The following TANGO6 variants were observed in gnomAD, a reference collection of about 807,000 sequenced individuals.
The protein encoded by TANGO6 is transport and Golgi organization protein 6 homolog.
In TANGO6, 90 loss-of-function variants were observed where a neutral mutation model predicts 114.2. The ratio of observed to expected loss-of-function variants is 0.79; its 90% CI spans 0.66 to 0.94. The LOEUF (loss-of-function observed/expected upper bound fraction) is 0.94, where lower values mean the gene tolerates loss of function less well. Ranked by LOEUF, TANGO6 falls within the 40% of genes least tolerant of loss-of-function variation. TANGO6 has a pLI of 0.00. For missense variants in TANGO6, 1,274 were observed against 1,315.3 expected (o/e 0.97, Z 0.49); for synonymous variants, 477 against 509.8 (o/e 0.94, Z 0.87).
In TANGO6 at chr16:69,063,808, C is replaced by CTTCTTCTTCTTATTATTA. The variant is rs56983779; in HGVS notation, c.3109-19675_3109-19674insCTTCTTCTTATTATTATT. Reference sequence around the variant, plus strand: ...TCTTCTTCTTCTTCTTCTTCTTCTTCTTATTATTATTATTATTATTATTAT... The same window carrying CTTCTTCTTCTTATTATTA: ...TCTTCTTCTTCTTCTTCTTCTTCTTCTTCTTCTTCTTATTATTATTATTATTATTATTATTATTATTAT... On this transcript the variant is annotated intron_variant, in intron 17 of 17. Coordinates refer to ENST00000261778, the MANE Select transcript of TANGO6 (RefSeq NM_024562.2). 2.4e-3 allele frequency among the ~76,000 whole-genome samples: 303 copies of CTTCTTCTTCTTATTATTA among 125,558 alleles called. 3 individuals are homozygous for CTTCTTCTTCTTATTATTA. The highest frequency in any genetic ancestry group is 8.8e-3 in the African/African-American group (268 of 30,624). 82.4% of individuals were successfully genotyped at this position (125,558 alleles called of 152,430 possible). A position where few individuals can be genotyped will look rare whatever the true frequency, so the allele number is the denominator to read the frequency against.
At chr16:69,009,928 T>G (rs992740936) in intron 15 of TANGO6, among the ~76,000 whole-genome samples, 12 of 152,220 alleles carry the variant, frequency 7.9e-5, no homozygotes, top group Non-Finnish European at 1.5e-4. Context: ...ATTTCATGCA[T>G]GTACTAAGAG....
chr16:68,992,510 T>G (rs1963954315), intron 15 of TANGO6, among the ~76,000 whole-genome samples: 1 of 152,196 alleles, frequency 6.6e-6, no homozygotes, highest in Non-Finnish European at 1.5e-5. Flanking sequence ...GTTGCTATTT[T>G]TTTGTTGTTA....
chr16:68,918,564 C>T (rs527851342), intron 11 of TANGO6, among the ~76,000 whole-genome samples: 1 of 152,258 alleles, frequency 6.6e-6, no homozygotes, highest in East Asian at 1.9e-4. Context: ...AGGCAAAATT[C>T]ATGAAAAGTT....
In TANGO6 at chr16:68,966,914, C is replaced by T. The variant is rs143322689; in HGVS notation, c.2702-7114C>T. On this transcript the variant is annotated intron_variant, in intron 14 of 17. Coordinates refer to ENST00000261778, the MANE Select transcript of TANGO6 (RefSeq NM_024562.2). ...AGCCTCCCAAGTAGCTGGGAATACA[C>T]GTATGCACCACCATGCCCTGCTAAT... Among the ~76,000 whole-genome samples the T allele has an allele frequency of 1.6e-3, 242 of 151,882 alleles. 2 individuals carry two copies. The South Asian group carries it at 0.024, about 15-fold the overall frequency.
At chr16:69,067,535 A>AAAAAAAAAAAAAAAAAAG (rs1960233745) in intron 17 of TANGO6, among the ~76,000 whole-genome samples, 1 of 147,174 alleles carries the variant, frequency 6.8e-6, no homozygotes, top group Non-Finnish European at 1.5e-5. Context: ...AAAAAAAAAA[A>AAAAAAAAAAAAAAAAAAG]AACGCTGGGC....
In TANGO6 at chr16:69,070,592, CA is replaced by C. The variant is rs1960283670; in HGVS notation, c.3109-12892del. On this transcript the variant is annotated intron_variant, in intron 17 of 17. Coordinates refer to ENST00000261778, the MANE Select transcript of TANGO6 (RefSeq NM_024562.2). ...AGGTTGCAGTGAGCCAAGATCACACCACTACACTCCAGCCCGGGTGACAGAG... is the reference window on the plus strand; with the variant it reads ...AGGTTGCAGTGAGCCAAGATCACACCCTACACTCCAGCCCGGGTGACAGAG... Among the ~76,000 whole-genome samples the C allele has an allele frequency of 2.7e-5, 4 of 148,080 alleles. No individual in the cohort carries two copies. In the Admixed American group the frequency reaches 2.7e-4, roughly 10 times the overall value.
At chr16:68,929,820 C>G (rs1430848498) in intron 13 of TANGO6, among the ~76,000 whole-genome samples, 1 of 152,220 alleles carries the variant, frequency 6.6e-6, no homozygotes, top group African/African-American at 2.4e-5. Flanking sequence ...ACTTGCACTT[C>G]CATATGCTTT....
intron 6 of TANGO6, among the ~76,000 whole-genome samples, chr16:68,878,638 A>C (rs977825029): frequency 2.0e-5 from 3 of 152,230 alleles, no homozygotes; most frequent in Non-Finnish European, 2.9e-5. Context: ...AGTCTCCTAC[A>C]TAACCACAAG....
At position 68,878,256 on chromosome 16, in the gene TANGO6, C is replaced by T. The variant is rs774131085; in HGVS notation, c.1270C>T (p.Leu424Phe). 6.2e-7 allele frequency: 1 copy of T among 1,609,566 alleles called. No homozygotes were observed. Among genetic ancestry groups the T allele is most frequent in the Non-Finnish European group, 8.5e-7 (1 of 1,178,302 alleles). ...TTTGCTCCAGCCAGTGTTAGCTCCTCTTCATCGATGTTTGAATACAGCAGG... is the reference window on the plus strand; with the variant it reads ...TTTGCTCCAGCCAGTGTTAGCTCCTTTTCATCGATGTTTGAATACAGCAGG... Reference protein sequence around the residue: ...KYLLQPVLAPLHRCLNTAELS... With the variant: ...KYLLQPVLAPFHRCLNTAELS... The change falls in exon 6 of 18, where the codon CTT becomes TTT. Residue 424 changes from leucine to phenylalanine, a missense_variant. Physicochemically the swap from Leu to Phe is conservative, Grantham distance 22. Around this residue, in one of 5 missense-constraint regions of TANGO6, gnomAD observed 908 missense variants for 910.2 expected, o/e 1.00. Transcript: ENST00000261778.
intron 17 of TANGO6, among the ~76,000 whole-genome samples, chr16:69,067,776 A>G (rs1296273497): frequency 6.6e-6 from 1 of 151,898 alleles, no homozygotes; most frequent in East Asian, 1.9e-4. Flanking sequence ...TGTCTCTACT[A>G]AAAATACAAA....
Position 68,927,913 on chromosome 16 carries a change from A to G in TANGO6, c.2473A>G (p.Thr825Ala). ...IIPQGVNEPS[T>A]TTSQKSGSVT... ...TCCTCAAGGAGTCAATGAGCCCAGC[A>G]CTACTACAAGTCAGAAATCTGGAAG... The change falls in exon 13 of 18, where the codon ACT becomes GCT. Residue 825 changes from threonine to alanine, a missense_variant. Coordinates refer to ENST00000261778, the MANE Select transcript of TANGO6 (RefSeq NM_024562.2). 2 of 1,613,932 alleles carry G rather than the reference A, an allele frequency of 1.2e-6. No homozygotes were observed. The highest frequency in any genetic ancestry group is 1.7e-6 in the Non-Finnish European group (2 of 1,179,852).
At chr16:68,915,551 A>C (rs1962992031) in intron 11 of TANGO6, among the ~76,000 whole-genome samples, 2 of 152,216 alleles carry the variant, frequency 1.3e-5, no homozygotes, top group African/African-American at 4.8e-5. Flanking sequence ...GGCGTTAGCC[A>C]CTGTGCCCAG....
At chr16:68,877,959 C>G (rs1033891944) in intron 5 of TANGO6, 159 bp from the exon 6 acceptor site, 1 of 634,530 alleles carries the variant, frequency 1.6e-6, no homozygotes, top group Non-Finnish European at 2.4e-6. Context: ...GCTCTCTTAC[C>G]CTTTGATACT....
intron 13 of TANGO6, among the ~76,000 whole-genome samples, chr16:68,929,441 CAA>C (rs910472687): frequency 4.2e-4 from 64 of 152,242 alleles, no homozygotes; most frequent in African/African-American, 1.5e-3. Flanking sequence ...TCCCTACCTT[CAA>C]AACTGGCCGT....
intron 16 of TANGO6, among the ~76,000 whole-genome samples, chr16:69,023,457 A>G (rs1210403125): frequency 6.6e-6 from 1 of 152,162 alleles, no homozygotes; most frequent in Non-Finnish European, 1.5e-5. Context: ...TTCTGTCTCA[A>G]AAAAAACAAA....
At chr16:69,022,620 C>T (rs952106341) in intron 15 of TANGO6, among the ~76,000 whole-genome samples, 3 of 152,002 alleles carry the variant, frequency 2.0e-5, no homozygotes, top group African/African-American at 7.3e-5. Context: ...GGGAGAATCA[C>T]CAGAGCCTGG....
chr16:68,999,207 G>A (rs945929492), intron 15 of TANGO6, among the ~76,000 whole-genome samples: 1 of 152,128 alleles, frequency 6.6e-6, no homozygotes, highest in Non-Finnish European at 1.5e-5. Context: ...TAAGCCTTGA[G>A]TCCAGCCATG....
intron 17 of TANGO6, among the ~76,000 whole-genome samples, chr16:69,072,068 T>G (rs866044770): frequency 8.0e-5 from 8 of 100,540 alleles, no homozygotes; most frequent in Non-Finnish European, 1.2e-4. Flanking sequence ...TGTGTGTGTG[T>G]AGAGAGAGGG....
At chr16:69,037,398 C>T (rs768304216) in intron 16 of TANGO6, among the ~76,000 whole-genome samples, 1 of 152,166 alleles carries the variant, frequency 6.6e-6, no homozygotes. Context: ...CAAAGCTAAA[C>T]GTAGAGGGGA....
Sources: gnomAD v4.1 joint callset for allele counts (sites outside exome capture counted in the v4.1 genomes callset) on GRCh38, gnomAD v4.1.1 for gene constraint, gnomAD v4.1.1 regional missense constraint, MANE v1.5 for transcripts, NCBI Gene and HGNC (gene_info 2026-07-23, HGNC 2026-07-21) for gene names.